Variants in PTPRM observed in about 807,000 individuals in gnomAD.
PTPRM encodes the protein receptor-type tyrosine-protein phosphatase mu.
In PTPRM, 47 loss-of-function variants were observed where a neutral mutation model predicts 186.7. That is an observed-to-expected ratio of 0.25 (90% CI 0.20 to 0.32). PTPRM has a LOEUF of 0.32. Ranked by LOEUF, PTPRM falls within the 10% of genes least tolerant of loss-of-function variation. The pLI is 1.00. For missense variants in PTPRM, 1,494 were observed against 1,865.0 expected (o/e 0.80, Z 3.66); for synonymous variants, 668 against 674.9 (o/e 0.99, Z 0.16).
chr18:7,884,953 G>GAAAAAAAAAA (rs2048708561), intron 2 of PTPRM, among the ~76,000 whole-genome samples: 1 of 110,472 alleles, frequency 9.1e-6, no homozygotes, highest in Non-Finnish European at 2.0e-5. Context: ...AAAAAAAAAG[G>GAAAAAAAAAA]AGAGAGAGAA....
rs374880285 is a variant in PTPRM at position 7,978,181 on chromosome 18, A to T, written c.1132+22767A>T. Among the ~76,000 whole-genome samples the T allele has an allele frequency of 4.7e-4, 71 of 152,220 alleles. 2 individuals carry two copies. The South Asian group carries it at 0.015, about 32-fold the overall frequency. ...GCTCTGGCTTAGGGTTGATTTAAGG[A>T]TGGGATTGGACAGTAAGAATCTTTC... On this transcript the variant is annotated intron_variant, in intron 7 of 32. Transcript: ENST00000580170.
Position 8,394,488 on chromosome 18 carries a change from C to T in PTPRM, c.4221C>T (p.Gly1407=). The T allele has an allele frequency of 2.5e-6, 4 of 1,611,424 alleles. No individual in the cohort carries two copies. The highest frequency in any genetic ancestry group is 4.5e-5 in the East Asian group (2 of 44,676). Residue 1407 remains glycine, a synonymous_variant, in exon 32 of 33, where the codon GGC becomes GGT. Coordinates refer to ENST00000580170, the MANE Select transcript of PTPRM (RefSeq NM_001105244.2). The part of the protein sequence containing the change: ...RTVVHCLNGG[G]RSGTFCAISI... ...TTTTTCACGACAGGAACGGGGGAGG[C>T]CGCAGTGGGACGTTCTGCGCCATCA...
intron 20 of PTPRM, among the ~76,000 whole-genome samples, chr18:8,302,846 C>A (rs950682070): frequency 8.6e-5 from 13 of 151,880 alleles, no homozygotes; most frequent in African/African-American, 2.9e-4. Flanking sequence ...TGGAAGGGAA[C>A]CAGCTGTGGA....
chr18:7,702,330 C>A lies in PTPRM; in HGVS notation c.74-71819C>A, dbSNP rs138106872. 7.2e-5 allele frequency among the ~76,000 whole-genome samples: 11 copies of A among 152,276 alleles called. No individual in the cohort carries two copies. In the East Asian group the frequency reaches 2.1e-3, roughly 29 times the overall value. On this transcript the variant is annotated intron_variant, in intron 1 of 32. Coordinates refer to ENST00000580170, the MANE Select transcript of PTPRM (RefSeq NM_001105244.2). ...CAACAGTGTAAAAGCATTCCTATTT[C>A]TCCACATCCTCTCCGGCATCTGTTG...
intron 14 of PTPRM, among the ~76,000 whole-genome samples, chr18:8,173,620 A>T (rs1568464378): frequency 6.6e-6 from 1 of 152,166 alleles, no homozygotes; most frequent in Non-Finnish European, 1.5e-5. Flanking sequence ...GTTATTATTC[A>T]AATCAATCTC....
At chr18:8,065,943 C>G (rs2089036751) in intron 7 of PTPRM, among the ~76,000 whole-genome samples, 1 of 152,096 alleles carries the variant, frequency 6.6e-6, no homozygotes, top group Admixed American at 6.6e-5. Context: ...CAGTGATGCC[C>G]TTCAGAGTGT....
intron 19 of PTPRM, among the ~76,000 whole-genome samples, chr18:8,282,578 C>A (rs2094915494): frequency 6.6e-6 from 1 of 152,100 alleles, no homozygotes; most frequent in Non-Finnish European, 1.5e-5. Flanking sequence ...GGGAGAAACG[C>A]TTGAACCCTA....
intron 1 of PTPRM, among the ~76,000 whole-genome samples, chr18:7,768,860 A>G (rs1325846800): frequency 2.6e-5 from 4 of 151,954 alleles, no homozygotes. Context: ...TGGTCAGGCT[A>G]GTCTTGAATT....
intron 2 of PTPRM, among the ~76,000 whole-genome samples, chr18:7,805,023 C>G (rs928322581): frequency 6.6e-6 from 1 of 152,120 alleles, no homozygotes; most frequent in African/African-American, 2.4e-5. Flanking sequence ...AAAATATATT[C>G]GAGTGTGGTT....
At chr18:7,868,577 C>T (rs2047829580) in intron 2 of PTPRM, among the ~76,000 whole-genome samples, 1 of 152,180 alleles carries the variant, frequency 6.6e-6, no homozygotes. Flanking sequence ...GAAGCTTCAT[C>T]CCAGAGGGGC....
At chr18:8,220,239 A>G (rs12968127) in intron 14 of PTPRM, among the ~76,000 whole-genome samples, 28,486 of 152,196 alleles carry the variant, frequency 0.19, 2,700 homozygotes, top group Non-Finnish European at 0.2. Flanking sequence ...TGTGGAAACT[A>G]TGAGTGATGA....
chr18:8,384,879 C>T (rs748454054), intron 30 of PTPRM, among the ~76,000 whole-genome samples, 193 bp downstream of exon 30: 3 of 152,194 alleles, frequency 2.0e-5, no homozygotes, highest in Non-Finnish European at 4.4e-5. Context: ...AGTAATGATA[C>T]TTATTAAAGC....
At chr18:7,996,104 G>A (rs933222712) in intron 7 of PTPRM, among the ~76,000 whole-genome samples, 1 of 151,884 alleles carries the variant, frequency 6.6e-6, no homozygotes, top group East Asian at 1.9e-4. Context: ...AGAGACAAAA[G>A]CTTTTATTTC....
At chr18:7,840,910 G>A (rs925502629) in intron 2 of PTPRM, among the ~76,000 whole-genome samples, 15 of 152,164 alleles carry the variant, frequency 9.9e-5, no homozygotes, top group Non-Finnish European at 5.9e-5. Flanking sequence ...GTGTAAGACA[G>A]GCTTCACTTA....
chr18:8,335,394 C>T (rs1037886589), intron 22 of PTPRM, among the ~76,000 whole-genome samples: 3 of 152,166 alleles, frequency 2.0e-5, no homozygotes, highest in African/African-American at 7.2e-5. Flanking sequence ...CATCAGTTAC[C>T]GACCCTGGCC....
intron 1 of PTPRM, among the ~76,000 whole-genome samples, chr18:7,611,694 A>G (rs2037679141): frequency 6.6e-6 from 1 of 152,120 alleles, no homozygotes; most frequent in South Asian, 2.1e-4. Flanking sequence ...GGTCTTTCCC[A>G]TGCTGTTCTC....
intron 1 of PTPRM, among the ~76,000 whole-genome samples, chr18:7,633,400 A>C (rs2038237397): frequency 6.6e-6 from 1 of 152,160 alleles, no homozygotes; most frequent in African/African-American, 2.4e-5. Flanking sequence ...TCTCAGAATC[A>C]TTCAGCAAAT....
At chr18:8,238,554 G>A (rs935634386) in intron 14 of PTPRM, among the ~76,000 whole-genome samples, 3 of 150,560 alleles carry the variant, frequency 2.0e-5, no homozygotes, top group East Asian at 2.0e-4. Flanking sequence ...CATACTAATC[G>A]TGGTTGTTTT....
intron 7 of PTPRM, among the ~76,000 whole-genome samples, chr18:8,008,620 A>G (rs1346137829): frequency 6.6e-6 from 1 of 152,086 alleles, no homozygotes; most frequent in East Asian, 1.9e-4. Context: ...CAAAATAATG[A>G]ATTGTTCTCT....
Sources: gnomAD v4.1 joint callset for allele counts (sites outside exome capture counted in the v4.1 genomes callset) on GRCh38, gnomAD v4.1.1 for gene constraint, MANE v1.5 for transcripts, NCBI Gene and HGNC (gene_info 2026-07-23, HGNC 2026-07-21) for gene names.